P2RX7: variants seen among roughly 807,000 people sequenced by gnomAD.
P2RX7 encodes purinergic receptor P2X 7.
Under a neutral mutation model 71.6 loss-of-function variants are expected in P2RX7, and 62 were observed. That is an observed-to-expected ratio of 0.87 (90% CI 0.71 to 1.07). The LOEUF (loss-of-function observed/expected upper bound fraction) is 1.07, where lower values mean the gene tolerates loss of function less well. Among genes scored for constraint, P2RX7 ranks in the 50% least tolerant of loss-of-function variants. The pLI is 0.00. For synonymous variants in P2RX7, 299 were observed against 283.3 expected, an observed-to-expected ratio of 1.06 and a Z score of -0.56; for missense variants, 686 against 748.5, an observed-to-expected ratio of 0.92 and a Z score of 0.97.
At chr12:121,140,231 AAG>A (rs1332191293) in intron 1 of P2RX7, among the ~76,000 whole-genome samples, 1 of 113,678 alleles carries the variant, frequency 8.8e-6, no homozygotes, top group Non-Finnish European at 1.7e-5. Flanking sequence ...ACCTGGAAAC[AAG>A]AGGAACAGCA....
intron 1 of P2RX7, among the ~76,000 whole-genome samples, chr12:121,147,988 A>G (rs1479890490): frequency 1.3e-5 from 2 of 152,088 alleles, no homozygotes; most frequent in Non-Finnish European, 2.9e-5. Context: ...TGTATCATAG[A>G]TCTATCTTTA....
At chr12:121,133,289 A>C (rs1158246132) in intron 1 of P2RX7, among the ~76,000 whole-genome samples, 194 bp downstream of exon 1, 1 of 152,192 alleles carries the variant, frequency 6.6e-6, no homozygotes, top group Non-Finnish European at 1.5e-5. Flanking sequence ...AGCAGAGAGA[A>C]GCCACAGGAC....
At chr12:121,180,692 G>A (rs1884002458) in intron 12 of P2RX7, among the ~76,000 whole-genome samples, 3 of 152,140 alleles carry the variant, frequency 2.0e-5, no homozygotes, top group South Asian at 2.1e-4. Context: ...GCTGGGCACG[G>A]TGGCTCACAC....
chr12:121,147,902 C>T (rs1876556558), intron 1 of P2RX7, among the ~76,000 whole-genome samples: 3 of 151,950 alleles, frequency 2.0e-5, no homozygotes, highest in Admixed American at 1.3e-4. Flanking sequence ...AGTGAGCCAC[C>T]GAGCCCAGCC....
chr12:121,169,596 T>G (rs910645777), intron 8 of P2RX7, among the ~76,000 whole-genome samples: 9 of 152,116 alleles, frequency 5.9e-5, no homozygotes, highest in African/African-American at 2.2e-4. Flanking sequence ...TGTTTTTTGG[T>G]CTGCATGATG....
intron 3 of P2RX7, among the ~76,000 whole-genome samples, chr12:121,160,585 T>C (rs1441655410): frequency 1.3e-5 from 2 of 152,192 alleles, no homozygotes; most frequent in East Asian, 3.8e-4. Context: ...TTCCTATAAA[T>C]AGAATTGTAT....
intron 1 of P2RX7, among the ~76,000 whole-genome samples, chr12:121,146,595 C>T (rs111664562): frequency 0.036 from 5,444 of 152,078 alleles, 302 homozygotes; most frequent in African/African-American, 0.12. Flanking sequence ...CGGGCCAAGC[C>T]CCTCTGAAGA....
rs757331613 is a variant in P2RX7 at position 121,177,137 on chromosome 12, C to CT, written c.973-9dup. 1.2e-6 allele frequency: 2 copies of CT among 1,613,422 alleles called. No homozygotes were observed. The highest frequency in any genetic ancestry group is 1.7e-6 in the Non-Finnish European group (2 of 1,179,342). On this transcript the variant is annotated splice_polypyrimidine_tract_variant and intron_variant, in intron 9 of 12. Coordinates refer to ENST00000328963, the MANE Select transcript of P2RX7 (RefSeq NM_002562.6). ...TTTCACCTGAGTAAACTCTCCCACT[C>CT]TGTTTTTAGGGAGGAAAATTTGACA...
chr12:121,162,999 G>A (rs2857585), intron 5 of P2RX7, among the ~76,000 whole-genome samples: 20,674 of 152,000 alleles, frequency 0.14, 1,883 homozygotes, highest in African/African-American at 0.26. Context: ...AGTTTTCTCA[G>A]ATTAAATGCT....
intron 11 of P2RX7, among the ~76,000 whole-genome samples, chr12:121,177,725 T>C (rs1040872988): frequency 5.3e-5 from 8 of 150,488 alleles, no homozygotes; most frequent in Non-Finnish European, 1.0e-4. Context: ...TATTTATTTA[T>C]TTATTTATTT....
chr12:121,170,860 G>T (rs73220266), intron 8 of P2RX7, among the ~76,000 whole-genome samples: 4 of 152,052 alleles, frequency 2.6e-5, no homozygotes, highest in Non-Finnish European at 5.9e-5. Flanking sequence ...CAAAAGAGAA[G>T]GAAATTACAG....
chr12:121,136,330 T>C (rs895232878), intron 1 of P2RX7, among the ~76,000 whole-genome samples: 13 of 151,898 alleles, frequency 8.6e-5, no homozygotes, highest in African/African-American at 3.1e-4. Flanking sequence ...TTTTATTTCT[T>C]TTTTAGAGAC....
intron 2 of P2RX7, 52 bp from the exon 3 acceptor site, chr12:121,156,027 G>C (rs537620608): frequency 1.4e-6 from 2 of 1,452,628 alleles, no homozygotes; most frequent in African/African-American, 1.4e-5. Context: ...TTATAATTAA[G>C]TAGTTCTCTT....
chr12:121,134,589 G>A (rs1421464275), intron 1 of P2RX7, among the ~76,000 whole-genome samples: 22 of 151,916 alleles, frequency 1.4e-4, no homozygotes, highest in African/African-American at 4.6e-4. Flanking sequence ...ATGAGGTTTC[G>A]CCATGTAGGC....
chr12:121,163,596 GGTAGA>G, intron 5 of P2RX7, among the ~76,000 whole-genome samples: 2 of 57,348 alleles, frequency 3.5e-5, no homozygotes, highest in Non-Finnish European at 7.0e-5. Flanking sequence ...TAGATAGACA[GGTAGA>G]TAGATAGATA....
intron 1 of P2RX7, among the ~76,000 whole-genome samples, chr12:121,152,724 G>C (rs1401346510): frequency 6.6e-6 from 1 of 152,190 alleles, no homozygotes; most frequent in Non-Finnish European, 1.5e-5. Context: ...CACCATATTG[G>C]CCAGGATGGC....
At chr12:121,159,177 G>A (rs998488698) in intron 3 of P2RX7, among the ~76,000 whole-genome samples, 6 of 152,174 alleles carry the variant, frequency 3.9e-5, no homozygotes, top group African/African-American at 1.4e-4. Flanking sequence ...CCAGCACTTT[G>A]GGAGGTCGAG....
intron 1 of P2RX7, among the ~76,000 whole-genome samples, chr12:121,148,318 G>A (rs926140023): frequency 1.3e-5 from 2 of 151,568 alleles, no homozygotes; most frequent in African/African-American, 4.9e-5. Context: ...AGGTTCAAAC[G>A]ATTCTCCCAC....
intron 8 of P2RX7, among the ~76,000 whole-genome samples, chr12:121,170,657 A>G (rs929882643): frequency 6.6e-6 from 1 of 152,112 alleles, no homozygotes; most frequent in Non-Finnish European, 1.5e-5. Flanking sequence ...TGCCTGTAAT[A>G]CAGCTACTGG....
Sources: allele counts gnomAD v4.1 joint callset (sites outside exome capture counted in the v4.1 genomes callset), GRCh38; gene constraint gnomAD v4.1.1; transcripts MANE v1.5; gene names NCBI Gene and HGNC (gene_info 2026-07-23, HGNC 2026-07-21).